Variants in GRIN2A observed in about 807,000 individuals in gnomAD.
GRIN2A encodes the protein glutamate ionotropic receptor NMDA type subunit 2A.
GRIN2A carries 22 observed loss-of-function variants against 113.4 expected under a neutral mutation model. That is an observed-to-expected ratio of 0.19 (90% CI 0.14 to 0.28). The LOEUF (loss-of-function observed/expected upper bound fraction) is 0.28, where lower values mean the gene tolerates loss of function less well. Ranked by LOEUF, GRIN2A falls within the 10% of genes least tolerant of loss-of-function variation. The pLI, the probability that GRIN2A is intolerant of heterozygous loss-of-function variation, is 1.00. For missense variants in GRIN2A, 1,502 were observed against 1,887.0 expected (o/e 0.80, Z 3.78); for synonymous variants, 827 against 738.4 (o/e 1.12, Z -1.94).
chr16:9,965,841 G>A (rs2045547266), intron 2 of GRIN2A, among the ~76,000 whole-genome samples: 1 of 152,182 alleles, frequency 6.6e-6, no homozygotes, highest in Non-Finnish European at 1.5e-5. Flanking sequence ...GCCCTTTCCT[G>A]TATTGTCTGT....
chr16:9,796,663 G>A (rs1319164058), intron 11 of GRIN2A, among the ~76,000 whole-genome samples: 1 of 152,180 alleles, frequency 6.6e-6, no homozygotes, highest in Admixed American at 6.5e-5. Context: ...AGCTTCCCCA[G>A]GTAGCTGCTA....
intron 11 of GRIN2A, among the ~76,000 whole-genome samples, chr16:9,776,395 C>T (rs1379635351): frequency 6.6e-6 from 1 of 151,390 alleles, no homozygotes; most frequent in Non-Finnish European, 1.5e-5. Context: ...CAGTCTGTGG[C>T]ACAGGTCTTG....
chr16:9,829,682 A>G (rs2042452587), intron 8 of GRIN2A, 30 bp from the exon 9 acceptor site: 8 of 1,538,824 alleles, frequency 5.2e-6, no homozygotes, highest in Non-Finnish European at 6.3e-6. Context: ...CATTCTCAGC[A>G]TTTTCTGAAA....
intron 11 of GRIN2A, among the ~76,000 whole-genome samples, chr16:9,794,025 A>C (rs980903723): frequency 6.6e-6 from 1 of 152,206 alleles, no homozygotes; most frequent in Non-Finnish European, 1.5e-5. Context: ...TTCTCAGTAA[A>C]TGTTGGGTAT....
intron 2 of GRIN2A, among the ~76,000 whole-genome samples, chr16:10,106,604 G>C (rs1424527867): frequency 6.6e-6 from 1 of 152,024 alleles, no homozygotes; most frequent in East Asian, 1.9e-4. Flanking sequence ...CCTGGAAGTG[G>C]CCTGACCCCC....
intron 7 of GRIN2A, among the ~76,000 whole-genome samples, chr16:9,835,559 T>A (rs1399772428): frequency 6.6e-6 from 1 of 152,200 alleles, no homozygotes; most frequent in Non-Finnish European, 1.5e-5. Flanking sequence ...CCTGAATGTA[T>A]CATGGGGAAG....
At chr16:9,915,699 C>G (rs950715282) in intron 3 of GRIN2A, among the ~76,000 whole-genome samples, 2 of 152,176 alleles carry the variant, frequency 1.3e-5, no homozygotes, top group African/African-American at 4.8e-5. Context: ...GTGGTGGTGA[C>G]AAGCACTGAC....
intron 2 of GRIN2A, among the ~76,000 whole-genome samples, chr16:10,077,385 T>A (rs968914866): frequency 6.6e-6 from 1 of 152,172 alleles, no homozygotes; most frequent in Non-Finnish European, 1.5e-5. Context: ...AGGCCAAACA[T>A]TTTGGTGGCA....
At chr16:10,145,476 G>C (rs2049419943) in intron 2 of GRIN2A, among the ~76,000 whole-genome samples, 1 of 151,206 alleles carries the variant, frequency 6.6e-6, no homozygotes, top group Non-Finnish European at 1.5e-5. Context: ...AACACACGCA[G>C]TTTTTAATAT....
intron 2 of GRIN2A, among the ~76,000 whole-genome samples, chr16:10,062,377 A>T (rs2047564419): frequency 6.6e-6 from 1 of 152,234 alleles, no homozygotes; most frequent in Admixed American, 6.5e-5. Context: ...GTAGATGGCC[A>T]TGCCCTGACC....
intron 2 of GRIN2A, among the ~76,000 whole-genome samples, chr16:9,996,127 A>T (rs140325467): frequency 1.3e-4 from 20 of 151,862 alleles, no homozygotes; most frequent in African/African-American, 4.3e-4. Flanking sequence ...GAAACTAAGG[A>T]GAAAGAAGTA....
intron 11 of GRIN2A, among the ~76,000 whole-genome samples, chr16:9,786,937 C>T (rs2141197533): frequency 6.6e-6 from 1 of 152,308 alleles, no homozygotes; most frequent in Admixed American, 6.5e-5. Context: ...TGAAGAGTCA[C>T]ATCCTACAGA....
chr16:10,123,285 G>A (rs568304418), intron 2 of GRIN2A, among the ~76,000 whole-genome samples: 4 of 152,260 alleles, frequency 2.6e-5, no homozygotes, highest in Admixed American at 2.0e-4. Flanking sequence ...GGCTCCCTGC[G>A]TACTTAGATG....
chr16:9,993,174 A>T (rs1233273564), intron 2 of GRIN2A, among the ~76,000 whole-genome samples: 2 of 151,982 alleles, frequency 1.3e-5, no homozygotes. Flanking sequence ...CAGAGGTTGC[A>T]GTGAGCCGAG....
intron 2 of GRIN2A, among the ~76,000 whole-genome samples, chr16:10,046,747 T>G (rs1479408601): frequency 1.3e-5 from 2 of 152,154 alleles, no homozygotes; most frequent in East Asian, 3.8e-4. Context: ...AATGAGATAG[T>G]GTGTATGAAA....
chr16:10,140,455 C>A (rs2049302528), intron 2 of GRIN2A, among the ~76,000 whole-genome samples: 1 of 152,114 alleles, frequency 6.6e-6, no homozygotes, highest in South Asian at 2.1e-4. Context: ...AGACTAGAAT[C>A]CAAGTCTTCC....
intron 2 of GRIN2A, among the ~76,000 whole-genome samples, chr16:9,984,205 A>C (rs1411832142): frequency 6.8e-6 from 1 of 146,636 alleles, no homozygotes; most frequent in Non-Finnish European, 1.5e-5. Flanking sequence ...TGTTTATTTA[A>C]CTCATTTGCC....
At chr16:10,163,924 T>G (rs2049855701) in intron 2 of GRIN2A, among the ~76,000 whole-genome samples, 1 of 152,178 alleles carries the variant, frequency 6.6e-6, no homozygotes, top group Non-Finnish European at 1.5e-5. Flanking sequence ...AAATTTTGGT[T>G]ATAGAGAATA....
intron 2 of GRIN2A, among the ~76,000 whole-genome samples, chr16:10,064,838 G>A (rs182861578): frequency 2.0e-5 from 3 of 152,280 alleles, no homozygotes; most frequent in South Asian, 4.1e-4. Flanking sequence ...CATTGTTTCA[G>A]GGCAAGATTG....
Sources: gnomAD v4.1 joint callset for allele counts (sites outside exome capture counted in the v4.1 genomes callset) on GRCh38, gnomAD v4.1.1 for gene constraint, MANE v1.5 for transcripts, NCBI Gene and HGNC (gene_info 2026-07-23, HGNC 2026-07-21) for gene names.